The following TAS2R1 variants were observed in gnomAD, a reference collection of about 807,000 sequenced individuals.
TAS2R1 encodes taste 2 receptor member 1, also known as taste receptor type 2 member 1.
For synonymous variants in TAS2R1, 141 were observed against 134.2 expected, an observed-to-expected ratio of 1.05 and a Z score of -0.35; for missense variants, 370 against 353.4, an observed-to-expected ratio of 1.05 and a Z score of -0.38.
chr5:9,843,915 T>A, the TAS2R1 span, among the ~76,000 whole-genome samples: 12 of 152,328 alleles, frequency 7.9e-5, no homozygotes, highest in East Asian at 2.3e-3. Flanking sequence ...GAGCCTTTTG[T>A]TGGCTGTCTG....
chr5:9,732,752 G>A, the TAS2R1 span, among the ~76,000 whole-genome samples: 1 of 152,174 alleles, frequency 6.6e-6, no homozygotes, highest in Non-Finnish European at 1.5e-5. Context: ...ATCGGTCAGG[G>A]TTCTGCTGAG....
the TAS2R1 span, among the ~76,000 whole-genome samples, chr5:9,899,791 T>C: frequency 6.6e-6 from 1 of 152,196 alleles, no homozygotes; most frequent in East Asian, 1.9e-4. Flanking sequence ...AGACACATAA[T>C]TGCCTTATAA....
At chr5:9,777,908 C>G in the TAS2R1 span, among the ~76,000 whole-genome samples, 2 of 143,958 alleles carry the variant, frequency 1.4e-5, no homozygotes, top group African/African-American at 5.1e-5. Flanking sequence ...GAGTCTTGCT[C>G]TGTCGCCCAG....
At chr5:9,799,917 GT>G in the TAS2R1 span, among the ~76,000 whole-genome samples, 1 of 152,074 alleles carries the variant, frequency 6.6e-6, no homozygotes, top group African/African-American at 2.4e-5. Context: ...AGATTATTTT[GT>G]TATCATAAAA....
chr5:9,629,706 G>T lies in TAS2R1; in HGVS notation c.327C>A (p.Ser109Arg), dbSNP rs369526627. 1 of 1,614,074 alleles carries T rather than the reference G, an allele frequency of 6.2e-7. No individual in the cohort carries two copies. Among genetic ancestry groups the T allele is most frequent in the Admixed American group, 1.7e-5 (1 of 59,994 alleles). Residue 109 changes from serine to arginine, a missense_variant, in exon 1 of 1, where the codon AGC becomes AGA. By Grantham distance (110) the Ser-to-Arg change is moderately radical. Transcript: ENST00000382492. Reference sequence around the variant, plus strand: ...ACCAGATGAAGAGTGGGTGACGGACGCTGGCAACCTTGGCACAATAGAAAA... The same window carrying T: ...ACCAGATGAAGAGTGGGTGACGGACTCTGGCAACCTTGGCACAATAGAAAA... ...LGVFYCAKVA[S>R]VRHPLFIWLK...
chr5:9,645,307 A>T (rs1203037213), intron 2 of TAS2R1, among the ~76,000 whole-genome samples: 1 of 152,190 alleles, frequency 6.6e-6, no homozygotes, highest in African/African-American at 2.4e-5. Flanking sequence ...AATTGCCCTC[A>T]GTCATGCAGC....
the TAS2R1 span, among the ~76,000 whole-genome samples, chr5:9,786,710 G>A: frequency 7.6e-3 from 1,158 of 152,186 alleles, 11 homozygotes; most frequent in African/African-American, 0.027. Flanking sequence ...AGATTTGAGG[G>A]GAAAGCATTA....
intron 2 of TAS2R1, among the ~76,000 whole-genome samples, chr5:9,657,117 C>T (rs1257184637): frequency 6.6e-6 from 1 of 151,882 alleles, no homozygotes; most frequent in Non-Finnish European, 1.5e-5. Flanking sequence ...ACAAAATATA[C>T]AATAAAACTT....
chr5:9,692,572 G>A (rs939340747), intron 1 of TAS2R1, among the ~76,000 whole-genome samples: 1 of 152,188 alleles, frequency 6.6e-6, no homozygotes, highest in African/African-American at 2.4e-5. Flanking sequence ...TCTGCTTCCA[G>A]TAAGGACTCC....
the TAS2R1 span, among the ~76,000 whole-genome samples, chr5:9,852,999 A>T: frequency 1.3e-5 from 2 of 152,220 alleles, no homozygotes; most frequent in Admixed American, 1.3e-4. Context: ...CAGATGATAG[A>T]AATCATTGTT....
the TAS2R1 span, among the ~76,000 whole-genome samples, chr5:9,789,003 T>C: frequency 1.3e-5 from 2 of 152,196 alleles, no homozygotes; most frequent in African/African-American, 4.8e-5. Context: ...ATTTTCTTGT[T>C]TGTATCATGG....
At chr5:9,815,726 C>T in the TAS2R1 span, among the ~76,000 whole-genome samples, 1 of 151,654 alleles carries the variant, frequency 6.6e-6, no homozygotes, top group Non-Finnish European at 1.5e-5. Flanking sequence ...TATAAATATA[C>T]ATACTCAACA....
the TAS2R1 span, among the ~76,000 whole-genome samples, chr5:9,740,350 G>A: frequency 6.6e-6 from 1 of 152,142 alleles, no homozygotes; most frequent in Admixed American, 6.6e-5. Flanking sequence ...TTAATAAGTG[G>A]TACAGTAAAG....
At chr5:9,634,139 A>C (rs1244007524), upstream of TAS2R1, among the ~76,000 whole-genome samples, 1 of 152,124 alleles carries the variant, frequency 6.6e-6, no homozygotes, top group Non-Finnish European at 1.5e-5. Flanking sequence ...ATGAGGATCC[A>C]GTTTCATTCT....
At chr5:9,902,956 AT>A in the TAS2R1 span, among the ~76,000 whole-genome samples, 1 of 151,996 alleles carries the variant, frequency 6.6e-6, no homozygotes, top group Non-Finnish European at 1.5e-5. Context: ...TTAAAAAAAA[AT>A]GTGTGAGTAT....
chr5:9,722,457 G>A, the TAS2R1 span, among the ~76,000 whole-genome samples: 2 of 152,194 alleles, frequency 1.3e-5, no homozygotes, highest in Admixed American at 6.5e-5. Context: ...GGTTAAATTT[G>A]CTGGTTTCTG....
At chr5:9,715,159 A>C (rs1734781308), upstream of TAS2R1, among the ~76,000 whole-genome samples, 1 of 152,186 alleles carries the variant, frequency 6.6e-6, no homozygotes, top group Non-Finnish European at 1.5e-5. Context: ...AGACTGAACA[A>C]AGTGTAAAGG....
chr5:9,738,002 A>C, the TAS2R1 span, among the ~76,000 whole-genome samples: 339 of 152,288 alleles, frequency 2.2e-3, 3 homozygotes, highest in African/African-American at 7.8e-3. Context: ...CGTATGATGC[A>C]GTGTTAACGC....
chr5:9,827,933 G>T, the TAS2R1 span, among the ~76,000 whole-genome samples: 1 of 152,136 alleles, frequency 6.6e-6, no homozygotes, highest in Non-Finnish European at 1.5e-5. Flanking sequence ...GCATGATGGA[G>T]TTTTTCAGCA....
Sources: allele counts gnomAD v4.1 joint callset (sites outside exome capture counted in the v4.1 genomes callset), GRCh38; gene constraint gnomAD v4.1.1; transcripts MANE v1.5; gene names NCBI Gene and HGNC (gene_info 2026-07-23, HGNC 2026-07-21).